EPB41L1: variants seen among roughly 807,000 people sequenced by gnomAD.
EPB41L1 encodes erythrocyte membrane protein band 4.1 like 1.
A neutral mutation model predicts 97.8 loss-of-function variants in EPB41L1; 29 were observed. The observed-to-expected ratio is 0.30, with a 90% confidence interval of 0.22 to 0.40. The LOEUF is 0.40. Among genes scored for constraint, EPB41L1 ranks in the 10% least tolerant of loss-of-function variants. The pLI, the probability that EPB41L1 is intolerant of heterozygous loss-of-function variation, is 1.00. For synonymous variants in EPB41L1, 383 were observed against 459.2 expected (o/e 0.83, Z 2.12); for missense variants, 812 against 1,162.3 (o/e 0.70, Z 4.38).
In EPB41L1 at chr20:36,229,507, G is replaced by A; in HGVS notation, c.*167G>A. 1.5e-6 allele frequency: 1 copy of A among 651,026 alleles called. No individual in the cohort carries two copies. The highest frequency in any genetic ancestry group is 2.8e-6 in the Non-Finnish European group (1 of 360,472). The allele number at this position is 651,026 out of a possible 1,614,324, so 40.3% of individuals were successfully genotyped here. On this transcript the variant is annotated 3_prime_UTR_variant, in exon 22 of 22. Transcript: ENST00000338074. The stretch of plus-strand genomic sequence containing the variant: ...AAGCATATATATATAGATATATAGA[G>A]ATATAGATATATATACAGGAAACAC...
At chr20:36,161,189 A>G (rs73902987) in intron 1 of EPB41L1, among the ~76,000 whole-genome samples, 1 of 152,064 alleles carries the variant, frequency 6.6e-6, no homozygotes, top group Non-Finnish European at 1.5e-5. Flanking sequence ...TCTTTCACCC[A>G]CCCAGTATGG....
intron 1 of EPB41L1, among the ~76,000 whole-genome samples, chr20:36,156,456 C>T (rs1339739323): frequency 2.0e-5 from 3 of 152,174 alleles, no homozygotes; most frequent in Admixed American, 6.5e-5. Flanking sequence ...AAAGGTTGAA[C>T]GGGGCCTAGA....
At chr20:36,162,039 C>T (rs541082067) in intron 1 of EPB41L1, among the ~76,000 whole-genome samples, 5 of 152,364 alleles carry the variant, frequency 3.3e-5, no homozygotes, top group African/African-American at 9.6e-5. Flanking sequence ...GCTGAGATTA[C>T]AGGCGTGAGC....
chr20:36,205,876 A>C, intron 14 of EPB41L1: 1 of 1,289,622 alleles, frequency 7.8e-7, no homozygotes, highest in Non-Finnish European at 1.0e-6. Flanking sequence ...ATTTATAGAA[A>C]GAGAGTACAC....
intron 21 of EPB41L1, among the ~76,000 whole-genome samples, chr20:36,228,205 G>T (rs2064292924): frequency 6.6e-6 from 1 of 152,288 alleles, no homozygotes; most frequent in East Asian, 1.9e-4. Flanking sequence ...GTTGAACACT[G>T]GAAAGACAAG....
At chr20:36,134,353 C>T (rs751358645) in intron 2 of EPB41L1, among the ~76,000 whole-genome samples, 1 of 152,208 alleles carries the variant, frequency 6.6e-6, no homozygotes, top group Admixed American at 6.5e-5. Flanking sequence ...TGAACTTAAG[C>T]AGATCCCCAC....
At chr20:36,096,095 A>G (rs953769093) in intron 1 of EPB41L1, among the ~76,000 whole-genome samples, 4 of 151,912 alleles carry the variant, frequency 2.6e-5, no homozygotes, top group African/African-American at 9.7e-5. Flanking sequence ...ATAACTCTGG[A>G]GGTGTGGCCC....
chr20:36,193,224 CCT>C (rs1203407889), intron 11 of EPB41L1, among the ~76,000 whole-genome samples: 3 of 152,126 alleles, frequency 2.0e-5, no homozygotes, highest in Non-Finnish European at 4.4e-5. Flanking sequence ...GGCCTTGGTC[CCT>C]GTCCCAACTC....
intron 15 of EPB41L1, among the ~76,000 whole-genome samples, chr20:36,210,312 G>A (rs2063060541): frequency 6.6e-6 from 1 of 152,044 alleles, no homozygotes; most frequent in Non-Finnish European, 1.5e-5. Context: ...GGGCTTCCCG[G>A]GGAAGGGGAA....
intron 11 of EPB41L1, among the ~76,000 whole-genome samples, chr20:36,191,593 G>C (rs1190212825): frequency 1.3e-5 from 2 of 152,160 alleles, no homozygotes; most frequent in Non-Finnish European, 2.9e-5. Flanking sequence ...GTACACACTA[G>C]AGTTTGTAGG....
intron 3 of EPB41L1, among the ~76,000 whole-genome samples, chr20:36,177,415 G>A (rs1460886941): frequency 6.6e-6 from 1 of 152,186 alleles, no homozygotes; most frequent in East Asian, 1.9e-4. Context: ...ATGAGCCTCT[G>A]TGAAACCTCA....
intron 14 of EPB41L1, chr20:36,201,048 AC>A (rs1028108768): frequency 4.5e-6 from 2 of 441,996 alleles, no homozygotes; most frequent in African/African-American, 4.0e-5. Context: ...TCTTAAGAAA[AC>A]CCTTTCTCTG....
At chr20:36,149,135 G>A (rs1472949411) in intron 2 of EPB41L1, among the ~76,000 whole-genome samples, 3 of 152,136 alleles carry the variant, frequency 2.0e-5, no homozygotes, top group Non-Finnish European at 4.4e-5. Flanking sequence ...TCTGGAAGAC[G>A]GTGCTGATAT....
intron 2 of EPB41L1, among the ~76,000 whole-genome samples, chr20:36,128,764 C>T (rs2059073875): frequency 6.6e-6 from 1 of 152,160 alleles, no homozygotes; most frequent in African/African-American, 2.4e-5. Context: ...CTTAGTTGGC[C>T]TTCAGAGCCT....
At chr20:36,208,350 C>T (rs868317400) in intron 14 of EPB41L1, 9 of 453,026 alleles carry the variant, frequency 2.0e-5, no homozygotes, top group African/African-American at 1.6e-4. Flanking sequence ...ACCAACTTAG[C>T]AGCCAACACC....
At chr20:36,196,961 T>A (rs1246836786) in intron 13 of EPB41L1, among the ~76,000 whole-genome samples, 1 of 152,206 alleles carries the variant, frequency 6.6e-6, no homozygotes, top group Non-Finnish European at 1.5e-5. Context: ...ATCCTACAAC[T>A]CTGGCTATAC....
intron 7 of EPB41L1, among the ~76,000 whole-genome samples, chr20:36,187,000 G>A (rs998197886): frequency 3.3e-5 from 5 of 152,172 alleles, no homozygotes; most frequent in South Asian, 2.1e-4. Flanking sequence ...TCTCTGTGCC[G>A]GTTTTTTCAT....
chr20:36,143,173 G>T (rs1268167662), intron 2 of EPB41L1, among the ~76,000 whole-genome samples: 1 of 150,324 alleles, frequency 6.7e-6, no homozygotes, highest in Non-Finnish European at 1.5e-5. Context: ...GTGTGTGTGT[G>T]TGTGTGTGTT....
At chr20:36,173,651 A>C (rs2061091306) in intron 1 of EPB41L1, 113 bp from the exon 2 acceptor site, 1 of 939,198 alleles carries the variant, frequency 1.1e-6, no homozygotes, top group Non-Finnish European at 1.7e-6. Context: ...TTGCCCTGTG[A>C]CTCTTTGTCC....
Sources: allele counts gnomAD v4.1 joint callset (sites outside exome capture counted in the v4.1 genomes callset), GRCh38; gene constraint gnomAD v4.1.1; transcripts MANE v1.5; gene names NCBI Gene and HGNC (gene_info 2026-07-23, HGNC 2026-07-21).